The following MYH6 variants were observed in gnomAD, a reference collection of about 807,000 sequenced individuals.
MYH6 encodes the protein myosin-6.
Under a neutral mutation model 223.2 loss-of-function variants are expected in MYH6, and 126 were observed. That is an observed-to-expected ratio of 0.56 (90% CI 0.49 to 0.65). The LOEUF (loss-of-function observed/expected upper bound fraction) is 0.65. Among genes scored for constraint, MYH6 ranks in the 30% least tolerant of loss-of-function variants. MYH6 has a pLI of 0.00. For missense variants in MYH6, 2,040 were observed against 2,536.4 expected (o/e 0.80, Z 4.20); for synonymous variants, 978 against 1,010.2 (o/e 0.97, Z 0.61).
intron 15 of MYH6, among the ~76,000 whole-genome samples, chr14:23,397,856 C>T (rs1891444868): frequency 6.6e-6 from 1 of 152,018 alleles, no homozygotes; most frequent in East Asian, 1.9e-4. Flanking sequence ...TACATCAGTG[C>T]CCTTAGCTCT....
intron 32 of MYH6, 79 bp downstream of exon 32, chr14:23,387,450 C>G (rs1595050358): frequency 6.3e-7 from 1 of 1,595,492 alleles, no homozygotes; most frequent in Non-Finnish European, 8.5e-7. Context: ...GTCCTGGGGT[C>G]AGGGTCACCC....
rs117321923 is a variant in MYH6 at position 23,402,197 on chromosome 14, G to A, written c.1141+267C>T. Among the ~76,000 whole-genome samples the A allele has an allele frequency of 5.7e-3, 874 of 152,308 alleles. 5 individuals are homozygous for A. The highest frequency in any genetic ancestry group is 8.8e-3 in the Non-Finnish European group (598 of 68,016). ...TGCATTAGTGATGGTGATGTGCAGA[G>A]CTCAGGGGCTGTGCTTCCTGGGGCT... On this transcript the variant is annotated intron_variant, in intron 12 of 38. Coordinates refer to ENST00000405093, the MANE Select transcript of MYH6 (RefSeq NM_002471.4).
At chr14:23,403,543 G>T in intron 9 of MYH6, 97 bp from the exon 10 acceptor site, 2 of 1,212,160 alleles carry the variant, frequency 1.6e-6, no homozygotes, top group Non-Finnish European at 2.5e-6. Context: ...GGCACCCACA[G>T]CTTGATGAAG....
chr14:23,403,613 C>A, intron 9 of MYH6, 102 bp downstream of exon 9: 1 of 1,259,122 alleles, frequency 7.9e-7, no homozygotes, highest in African/African-American at 1.5e-5. Flanking sequence ...GAGGCAAATG[C>A]AGACAAAACA....
At chr14:23,397,955 CTT>C (rs1891465955) in intron 15 of MYH6, among the ~76,000 whole-genome samples, 1 of 96,804 alleles carries the variant, frequency 1.0e-5, no homozygotes, top group African/African-American at 4.2e-5. Context: ...TCTTCTTCTT[CTT>C]CTTCTTCTTC....
chr14:23,404,651 T>A, intron 7 of MYH6, 60 bp downstream of exon 7: 1 of 1,491,204 alleles, frequency 6.7e-7, no homozygotes. Flanking sequence ...GGGTTAGGGG[T>A]AACTCGGGTC....
At chr14:23,383,341 G>GGGGGGGGGCCCCCCCCCC in intron 36 of MYH6, 21 bp from the exon 37 acceptor site, 2 of 556,578 alleles carry the variant, frequency 3.6e-6, no homozygotes, top group East Asian at 4.9e-5. Flanking sequence ...GAGGGTGGGA[G>GGGGGGGGGCCCCCCCCCC]AAGCTGGTTT....
chr14:23,398,748 G>A lies in MYH6; in HGVS notation c.1871C>T (p.Ser624Phe). 2 of 1,614,226 alleles carry A rather than the reference G, an allele frequency of 1.2e-6. No individual in the cohort carries two copies. The highest frequency in any genetic ancestry group is 1.7e-6 in the Non-Finnish European group (2 of 1,180,038). ...SLKLMATLFS[S>F]YATADTGDSG... The stretch of plus-strand genomic sequence containing the variant: ...CTTACCAGTATCGGCAGTTGCGTAG[G>A]AGGAGAAGAGAGTGGCCATGAGCTT... Residue 624 changes from serine to phenylalanine, a missense_variant, in exon 15 of 39, where the codon TCC becomes TTC. Physicochemically the swap from Ser to Phe is radical, Grantham distance 155. Around this residue, in one of 4 missense-constraint regions of MYH6, gnomAD observed 649 missense variants for 877.3 expected, o/e 0.74. Coordinates refer to ENST00000405093, the MANE Select transcript of MYH6 (RefSeq NM_002471.4).
intron 25 of MYH6, among the ~76,000 whole-genome samples, chr14:23,392,206 C>A (rs61977669): frequency 6.6e-6 from 1 of 150,706 alleles, no homozygotes; most frequent in African/African-American, 2.4e-5. Flanking sequence ...CTCCTTGAAG[C>A]CTTTTTTTTT....
At position 23,402,696 on chromosome 14, in the gene MYH6, C is replaced by T. The variant is rs776627067; in HGVS notation, c.1002+1G>A. ...ACGGCCGCAGCAGCCCCCTCACTCA[C>T]ATCGGTGGCCATGAGCTCCTCGGAG... On this transcript the variant is annotated splice_donor_variant, in intron 11 of 38. Transcript: ENST00000405093. LOFTEE classifies it high-confidence loss of function. 6.2e-7 allele frequency: 1 copy of T among 1,613,500 alleles called. No individual in the cohort carries two copies. The highest frequency in any genetic ancestry group is 8.5e-7 in the Non-Finnish European group (1 of 1,179,940).
At position 23,397,270 on chromosome 14, in the gene MYH6, G is replaced by T. The variant is rs758770638; in HGVS notation, c.1963-13C>A. 4.3e-6 allele frequency: 7 copies of T among 1,612,880 alleles called. 1 individual carries two copies. Among genetic ancestry groups the T allele is most frequent in the Non-Finnish European group, 5.9e-6 (7 of 1,179,004 alleles). ...TGTTGAGATTTTCCTGGAGGCAGATGAAGGTGGGGAGTTAGGAGCCACAAG... is the reference window on the plus strand; with the variant it reads ...TGTTGAGATTTTCCTGGAGGCAGATTAAGGTGGGGAGTTAGGAGCCACAAG... On this transcript the variant is annotated splice_polypyrimidine_tract_variant and intron_variant, in intron 16 of 38. Coordinates refer to ENST00000405093, the MANE Select transcript of MYH6 (RefSeq NM_002471.4).
At chr14:23,400,560 C>T in intron 13 of MYH6, 134 bp from the exon 14 acceptor site, 1 of 1,581,336 alleles carries the variant, frequency 6.3e-7, no homozygotes, top group South Asian at 1.1e-5. Context: ...GGAGGGCTTC[C>T]CCTGAAGACA....
chr14:23,397,407 C>G (rs1329167739), intron 16 of MYH6, 136 bp downstream of exon 16: 7 of 1,271,540 alleles, frequency 5.5e-6, no homozygotes, highest in African/African-American at 4.4e-5. Context: ...TTTGTGGAAT[C>G]TACACACTAA....
intron 20 of MYH6, among the ~76,000 whole-genome samples, chr14:23,395,805 G>C (rs1891376437): frequency 6.6e-6 from 1 of 152,114 alleles, no homozygotes; most frequent in Non-Finnish European, 1.5e-5. Context: ...TGGGATTTCA[G>C]GCATGAGCCA....
chr14:23,387,274 T>C (rs934694299), intron 32 of MYH6, among the ~76,000 whole-genome samples: 3 of 152,304 alleles, frequency 2.0e-5, no homozygotes, highest in East Asian at 3.9e-4. Context: ...TAAGTGGTTA[T>C]TATTATGGCC....
At chr14:23,404,924 G>A in intron 6 of MYH6, 102 bp from the exon 7 acceptor site, 1 of 1,477,302 alleles carries the variant, frequency 6.8e-7, no homozygotes, top group Non-Finnish European at 9.4e-7. Flanking sequence ...TCAGAGCCCA[G>A]CACCCAGCAG....
Position 23,387,852 on chromosome 14 carries a change from G to A in MYH6, c.4431C>T (p.Arg1477=). The A allele has an allele frequency of 6.2e-7, 1 of 1,614,092 alleles. No homozygotes were observed. Among genetic ancestry groups the A allele is most frequent in the Non-Finnish European group, 8.5e-7 (1 of 1,180,022 alleles). ...SELESSQKEA[R]SLSTELFKLK... is the part of the protein sequence containing the mutation. ...GCTTGAAGAGCTCTGTGCTGAGGGA[G>A]CGAGCCTCCTTCTGTGAGGACTCCA... Residue 1477 remains arginine, a synonymous_variant, in exon 31 of 39, where the codon CGC becomes CGT. Transcript: ENST00000405093.
intron 12 of MYH6, among the ~76,000 whole-genome samples, chr14:23,401,217 G>T (rs1209753796): frequency 6.6e-6 from 1 of 152,162 alleles, no homozygotes. Flanking sequence ...ATGTTGCCCA[G>T]GCTGGTCTCA....
In MYH6 at chr14:23,386,576, C is replaced by A; in HGVS notation, c.4698G>T (p.Glu1566Asp). 1.2e-6 allele frequency: 2 copies of A among 1,613,076 alleles called. No homozygotes were observed. The highest frequency in any genetic ancestry group is 1.7e-6 in the Non-Finnish European group (2 of 1,179,182). ...CGATCTCTGCCTTGATCTGGTTGAA[C>A]TCTAGCTGGGCCCGGAGGATCTTGC... ...EEGKILRAQL[E>D]FNQIKAEIER... The change falls in exon 33 of 39, where the codon GAG becomes GAT. Residue 1566 changes from glutamate to aspartate, a missense_variant. Physicochemically the swap from Glu to Asp is conservative, Grantham distance 45. Around this residue, in one of 4 missense-constraint regions of MYH6, gnomAD observed 1,203 missense variants for 1,400.2 expected, o/e 0.86. Transcript: ENST00000405093.
Sources: allele counts gnomAD v4.1 joint callset (sites outside exome capture counted in the v4.1 genomes callset), GRCh38; gene constraint gnomAD v4.1.1; regional missense constraint gnomAD v4.1.1; transcripts MANE v1.5; gene names NCBI Gene and HGNC (gene_info 2026-07-23, HGNC 2026-07-21).